Variants in RAB31 observed in about 807,000 individuals in gnomAD.
RAB31 encodes ras-related protein Rab-31.
A neutral mutation model predicts 25.6 loss-of-function variants in RAB31; 21 were observed. The observed-to-expected ratio is 0.82, with a 90% CI of 0.58 to 1.18. The LOEUF (loss-of-function observed/expected upper bound fraction) is 1.18. Ranked by LOEUF, RAB31 falls within the 50% of genes most tolerant of loss-of-function variation. The pLI, the probability that RAB31 is intolerant of heterozygous loss-of-function variation, is 0.00. For missense variants in RAB31, 196 were observed against 250.1 expected (o/e 0.78, Z 1.46); for synonymous variants, 87 against 84.0 (o/e 1.04, Z -0.20).
chr18:9,822,958 C>T (rs910225255), intron 5 of RAB31, among the ~76,000 whole-genome samples: 10 of 152,166 alleles, frequency 6.6e-5, no homozygotes, highest in Non-Finnish European at 1.2e-4. Flanking sequence ...AAAACCTGCA[C>T]ATGAATATTC....
intron 4 of RAB31, 67 bp from the exon 5 acceptor site, chr18:9,815,049 A>G: frequency 8.5e-7 from 1 of 1,172,156 alleles, no homozygotes; most frequent in Non-Finnish European, 1.2e-6. Context: ...CTGGGCTTGT[A>G]TTTCTGCTTA....
chr18:9,771,987 T>C (rs1408120038), intron 1 of RAB31, among the ~76,000 whole-genome samples: 1 of 152,198 alleles, frequency 6.6e-6, no homozygotes, highest in Non-Finnish European at 1.5e-5. Context: ...GCTGTAACTC[T>C]TCAGACAAGT....
chr18:9,845,180 A>T (rs900203560), intron 5 of RAB31, among the ~76,000 whole-genome samples: 3 of 152,214 alleles, frequency 2.0e-5, no homozygotes, highest in Non-Finnish European at 2.9e-5. Flanking sequence ...ATATGTAAAA[A>T]GTTTCACAAA....
chr18:9,724,266 G>A (rs2068086359), intron 1 of RAB31, among the ~76,000 whole-genome samples: 2 of 67,708 alleles, frequency 3.0e-5, no homozygotes, highest in Non-Finnish European at 5.3e-5. Context: ...GCGAGACTCC[G>A]TCTCAAAAAA....
At chr18:9,812,218 C>T (rs979896776) in intron 3 of RAB31, among the ~76,000 whole-genome samples, 1 of 152,172 alleles carries the variant, frequency 6.6e-6, no homozygotes. Flanking sequence ...GGTTTCAATA[C>T]ATGGATTTTA....
intron 5 of RAB31, among the ~76,000 whole-genome samples, chr18:9,830,949 G>A (rs1421868753): frequency 1.3e-5 from 2 of 152,180 alleles, no homozygotes; most frequent in Non-Finnish European, 2.9e-5. Flanking sequence ...GAAGTCCACT[G>A]TTTTCCTACT....
rs1255965774 is a variant in RAB31, at chr18:9,859,490, A to T, written c.*165A>T. ...GGGGGCGGGGCAGGAAATGTACCTG[A>T]AAAGGATTTTAGAAAACCCTGGGAA... On this transcript the variant is annotated 3_prime_UTR_variant, in exon 7 of 7. Coordinates refer to ENST00000578921, the MANE Select transcript of RAB31 (RefSeq NM_006868.4). 6 of 529,284 alleles carry T rather than the reference A, an allele frequency of 1.1e-5. No homozygotes were observed. In the Middle Eastern group the frequency reaches 1.5e-3, roughly 134 times the overall value. 32.8% of individuals were successfully genotyped at this position (529,284 alleles called of 1,614,324 possible).
chr18:9,830,004 A>AAATACTATTATT, intron 5 of RAB31, among the ~76,000 whole-genome samples: 1 of 149,466 alleles, frequency 6.7e-6, no homozygotes, highest in Non-Finnish European at 1.5e-5. Context: ...TGCTTTTAAA[A>AAATACTATTATT]AATATTATTA....
intron 1 of RAB31, among the ~76,000 whole-genome samples, chr18:9,760,780 G>T (rs2068284385): frequency 6.6e-6 from 1 of 152,190 alleles, no homozygotes; most frequent in Admixed American, 6.5e-5. Flanking sequence ...ATGGGGAGGT[G>T]AGATGGGAGG....
intron 1 of RAB31, among the ~76,000 whole-genome samples, chr18:9,736,978 T>G (rs1364611724): frequency 6.6e-6 from 1 of 152,246 alleles, no homozygotes; most frequent in African/African-American, 2.4e-5. Context: ...TTCAAATAGC[T>G]ATTAAAATTT....
At chr18:9,817,074 G>T (rs527867020) in intron 5 of RAB31, among the ~76,000 whole-genome samples, 2 of 151,976 alleles carry the variant, frequency 1.3e-5, no homozygotes, top group Non-Finnish European at 2.9e-5. Flanking sequence ...CCCAGACTTA[G>T]TTATCTCCCT....
chr18:9,731,634 A>T (rs1334562168), intron 1 of RAB31, among the ~76,000 whole-genome samples: 4 of 126,792 alleles, frequency 3.2e-5, no homozygotes, highest in East Asian at 4.5e-4. Context: ...GTCTAGCTCT[A>T]TCACCCTGGC....
chr18:9,802,049 T>C (rs2068516486), intron 3 of RAB31, among the ~76,000 whole-genome samples: 1 of 149,048 alleles, frequency 6.7e-6, no homozygotes, highest in South Asian at 2.1e-4. Flanking sequence ...TTTCTCCTTA[T>C]GCCAATACCA....
In RAB31 at chr18:9,835,912, A is replaced by G. The variant is rs111819880; in HGVS notation, c.381-9670A>G. Among the ~76,000 whole-genome samples, 525 of 152,218 alleles carry G rather than the reference A, an allele frequency of 3.4e-3. 2 individuals are homozygous for G. The highest frequency in any genetic ancestry group is 0.012 in the African/African-American group (501 of 41,550). The stretch of plus-strand genomic sequence containing the variant: ...AATATGAGCTAGGGGGAGCATAACA[A>G]ACTCTGATTATTCATTTCAGTGGGT... On this transcript the variant is annotated intron_variant, in intron 5 of 6. Coordinates refer to ENST00000578921, the MANE Select transcript of RAB31 (RefSeq NM_006868.4).
intron 1 of RAB31, among the ~76,000 whole-genome samples, chr18:9,745,237 A>G (rs2068199616): frequency 6.6e-6 from 1 of 152,118 alleles, no homozygotes; most frequent in Admixed American, 6.6e-5. Flanking sequence ...ACACAAAACT[A>G]CCAAACTGTC....
intron 5 of RAB31, among the ~76,000 whole-genome samples, chr18:9,836,599 G>A (rs2068705570): frequency 6.6e-6 from 1 of 152,186 alleles, no homozygotes; most frequent in Non-Finnish European, 1.5e-5. Flanking sequence ...AGAACTGCTG[G>A]GAAGCTTGCT....
intron 6 of RAB31, among the ~76,000 whole-genome samples, chr18:9,851,645 A>T (rs192998377): frequency 3.7e-4 from 57 of 152,310 alleles, no homozygotes; most frequent in African/African-American, 1.3e-3. Flanking sequence ...TTGTAACATT[A>T]TTCATGACAG....
chr18:9,777,563 G>A (rs370782179), intron 2 of RAB31, among the ~76,000 whole-genome samples: 3 of 152,184 alleles, frequency 2.0e-5, no homozygotes, highest in East Asian at 1.9e-4. Context: ...TGCTCTGAAT[G>A]TACTTTTTTC....
intron 3 of RAB31, among the ~76,000 whole-genome samples, chr18:9,799,191 A>G (rs1321033615): frequency 3.9e-5 from 6 of 152,214 alleles, no homozygotes; most frequent in African/African-American, 1.4e-4. Context: ...TGTTGGGATT[A>G]TAGGCGTGAG....
Sources: gnomAD v4.1 joint callset for allele counts (sites outside exome capture counted in the v4.1 genomes callset) on GRCh38, gnomAD v4.1.1 for gene constraint, MANE v1.5 for transcripts, NCBI Gene and HGNC (gene_info 2026-07-23, HGNC 2026-07-21) for gene names.